ZNF81: variants seen among roughly 807,000 people sequenced by gnomAD.
ZNF81 encodes the protein zinc finger protein 81 (HFZ20).
ZNF81 carries 5 observed loss-of-function variants against 32.3 expected under a neutral mutation model. The ratio of observed to expected loss-of-function variants is 0.15; its 90% CI spans 0.08 to 0.33. ZNF81 has a LOEUF of 0.33. Among genes scored for constraint, ZNF81 ranks in the 10% least tolerant of loss-of-function variants. The pLI, the probability that ZNF81 is intolerant of heterozygous loss-of-function variation, is 1.00. For synonymous variants in ZNF81, 163 were observed against 166.8 expected, an observed-to-expected ratio of 0.98 and a Z score of 0.17; for missense variants, 379 against 479.8, an observed-to-expected ratio of 0.79 and a Z score of 1.96.
intron 2 of ZNF81, among the ~76,000 whole-genome samples, chrX:47,871,039 G>A (rs2148018748): frequency 9.0e-6 from 1 of 111,488 alleles, no homozygotes; most frequent in Admixed American, 9.5e-5. Flanking sequence ...AAAGTTTCTT[G>A]TATTAGAATT....
At chrX:47,887,891 C>T (rs2058648138) in intron 2 of ZNF81, 108 bp from the exon 3 acceptor site, 2 of 936,188 alleles carry the variant, frequency 2.1e-6, no homozygotes, top group Admixed American at 4.6e-5. Flanking sequence ...AATGGGCATA[C>T]CATATCGTAT....
chrX:47,868,631 ATGTGCTTTTGTAGT>A, intron 2 of ZNF81, among the ~76,000 whole-genome samples: 1 of 111,557 alleles, frequency 9.0e-6, no homozygotes, highest in East Asian at 2.8e-4. Context: ...TGATTGTATT[ATGTGCTTTTGTAGT>A]TGTCCCAAAG....
rs370585577 is a variant in ZNF81, at chrX:47,846,999, G to A, written c.54+678G>A. Among the ~76,000 whole-genome samples, 29 of 112,054 alleles carry A rather than the reference G, an allele frequency of 2.6e-4. No homozygotes were observed. The East Asian group carries it at 7.6e-3, about 29-fold the overall frequency. ...TTTTCCCTGGAATTAACAATTTTCT[G>A]TCTCAGTCATTTGTTTGTGTTACTA... On this transcript the variant is annotated intron_variant, in intron 2 of 4. Transcript: ENST00000338637.
chrX:47,906,238 G>A (rs1192873675), intron 4 of ZNF81, among the ~76,000 whole-genome samples: 2 of 79,084 alleles, frequency 2.5e-5, no homozygotes, highest in Admixed American at 3.3e-4. Flanking sequence ...TGGTTGAAGA[G>A]GTAAATACAT....
chrX:47,848,136 C>A (rs889409251), intron 2 of ZNF81, among the ~76,000 whole-genome samples: 1 of 110,745 alleles, frequency 9.0e-6, no homozygotes. Flanking sequence ...AGGATGGTCT[C>A]GATCTCCTGA....
At chrX:47,903,054 G>GT (rs1569390574) in intron 4 of ZNF81, among the ~76,000 whole-genome samples, 1 of 110,910 alleles carries the variant, frequency 9.0e-6, no homozygotes, top group Non-Finnish European at 1.9e-5. Flanking sequence ...TTGATGGGAC[G>GT]TATCTCAAAA....
At chrX:47,910,891 A>G (rs782288567) in intron 4 of ZNF81, among the ~76,000 whole-genome samples, 35 of 111,192 alleles carry the variant, frequency 3.1e-4, no homozygotes, top group Non-Finnish European at 6.0e-4. Flanking sequence ...TTACTACTGC[A>G]ATTCCTATTT....
intron 2 of ZNF81, among the ~76,000 whole-genome samples, chrX:47,867,571 G>A (rs73489333): frequency 0.063 from 7,086 of 111,890 alleles, 255 homozygotes; most frequent in African/African-American, 0.14. Flanking sequence ...GTAAAATGCA[G>A]AGCAAGCAAT....
rs189680841 is a variant in ZNF81 at position 47,841,713 on chromosome X, G to A, written c.-163-4392G>A. ...CTCTTGCTCTGCCATCTTTCTAGTC[G>A]TGTCTTTTTTATCTTTGTCAATCTT... On this transcript the variant is annotated intron_variant, in intron 1 of 4. Transcript: ENST00000338637. 2.0e-4 allele frequency: 116 copies of A among 591,708 alleles called. No homozygotes were observed. The African/African-American group carries it at 2.1e-3, about 11-fold the overall frequency. 48.8% of individuals were successfully genotyped at this position (591,708 alleles called of 1,213,427 possible).
At chrX:47,839,741 T>C (rs1556879487) in intron 1 of ZNF81, among the ~76,000 whole-genome samples, 1 of 112,019 alleles carries the variant, frequency 8.9e-6, no homozygotes, top group East Asian at 2.8e-4. Flanking sequence ...CTTTGCATTT[T>C]ACAAGGAATT....
intron 3 of ZNF81, 25 bp from the exon 4 acceptor site, chrX:47,895,820 A>G (rs1556887107): frequency 5.2e-6 from 6 of 1,152,861 alleles, no homozygotes; most frequent in Admixed American, 4.4e-5. Context: ...GCTGGACCCA[A>G]TTCTCTATCG....
At position 47,919,862 on chromosome X, in the gene ZNF81, T is replaced by G. The variant is rs2058770242; in HGVS notation, c.*3230T>G. ...TCAGCCCATAATACCCTCTAACATA[T>G]TAATCATAGTTATTTTTAACTCCCT... On this transcript the variant is annotated 3_prime_UTR_variant, in exon 5 of 5. Coordinates refer to ENST00000338637, the MANE Select transcript of ZNF81 (RefSeq NM_007137.5). 9.0e-6 allele frequency: 1 copy of G among 111,691 alleles called. No individual in the cohort carries two copies. The highest frequency in any genetic ancestry group is 1.9e-5 in the Non-Finnish European group (1 of 53,153). The allele number at this position is 111,691 out of a possible 1,213,427, so 9.2% of individuals were successfully genotyped here.
At chrX:47,864,137 C>A (rs1431470949) in intron 2 of ZNF81, among the ~76,000 whole-genome samples, 1 of 111,728 alleles carries the variant, frequency 9.0e-6, no homozygotes, top group African/African-American at 3.3e-5. Flanking sequence ...AACTGCCTTA[C>A]TAAGGTTTGC....
At chrX:47,841,472 T>A (rs1365628258) in intron 1 of ZNF81, 1 of 1,042,700 alleles carries the variant, frequency 9.6e-7, no homozygotes, top group Non-Finnish European at 1.3e-6. Flanking sequence ...TTCCAAGGCA[T>A]GAGGTTTCAC....
At chrX:47,850,890 C>T (rs968054226) in intron 2 of ZNF81, among the ~76,000 whole-genome samples, 5 of 25,301 alleles carry the variant, frequency 2.0e-4, no homozygotes, top group Non-Finnish European at 4.0e-4. Context: ...CAGGCACGCG[C>T]GCACACACAC....
intron 2 of ZNF81, among the ~76,000 whole-genome samples, chrX:47,868,206 T>C (rs1489701597): frequency 8.9e-6 from 1 of 111,881 alleles, no homozygotes; most frequent in Non-Finnish European, 1.9e-5. Context: ...CACCTGTGTT[T>C]ATCTGTCCCA....
At chrX:47,845,986 T>C in intron 1 of ZNF81, 119 bp from the exon 2 acceptor site, 1 of 392,725 alleles carries the variant, frequency 2.5e-6, no homozygotes, top group Non-Finnish European at 4.6e-6. Flanking sequence ...GAATATGTGT[T>C]TCTTGGACTT....
intron 2 of ZNF81, among the ~76,000 whole-genome samples, chrX:47,858,942 T>G (rs1603177539): frequency 9.2e-6 from 1 of 109,159 alleles, no homozygotes. Context: ...AATACAAAAT[T>G]AGCCGGGCGT....
intron 4 of ZNF81, among the ~76,000 whole-genome samples, chrX:47,911,204 T>C (rs781916211): frequency 1.8e-5 from 2 of 111,588 alleles, no homozygotes; most frequent in South Asian, 7.5e-4. Flanking sequence ...TTTAAAATTT[T>C]ATCTGTACGG....
Sources: gnomAD v4.1 joint callset for allele counts (sites outside exome capture counted in the v4.1 genomes callset) on GRCh38, gnomAD v4.1.1 for gene constraint, MANE v1.5 for transcripts, NCBI Gene and HGNC (gene_info 2026-07-23, HGNC 2026-07-21) for gene names.